Variants in HEATR6 observed in about 807,000 individuals in gnomAD.
HEATR6 encodes HEAT repeat-containing protein 6.
A neutral mutation model predicts 132.8 loss-of-function variants in HEATR6; 106 were observed. The ratio of observed to expected loss-of-function variants is 0.80; its 90% CI spans 0.68 to 0.94. The LOEUF is 0.94. Among genes scored for constraint, HEATR6 ranks in the 40% least tolerant of loss-of-function variants. HEATR6 has a pLI of 0.00. For missense variants in HEATR6, 1,339 were observed against 1,425.1 expected (o/e 0.94, Z 0.97); for synonymous variants, 529 against 537.8 (o/e 0.98, Z 0.23).
Position 60,067,616 on chromosome 17 carries a change from G to A in HEATR6, c.1056C>T (p.Asn352=), listed in dbSNP as rs764056341. ...AAPVTGTGRV[N]LHEGNTWCPS... is the part of the protein sequence containing the mutation. ...GACACCAAGTGTTCCCTTCATGCAG[G>A]TTCACTCTGCCTGTGCCAGTGACTG... is the stretch of plus-strand genomic sequence containing the variant. The change falls in exon 8 of 20, where the codon AAC becomes AAT. Residue 352 remains asparagine, a synonymous_variant. Coordinates refer to ENST00000184956, the MANE Select transcript of HEATR6 (RefSeq NM_022070.5). 32 of 1,612,442 alleles carry A rather than the reference G, an allele frequency of 2.0e-5. No individual in the cohort carries two copies. The highest frequency in any genetic ancestry group is 5.3e-5 in the African/African-American group (4 of 74,810).
chr17:60,060,061 G>A lies in HEATR6; in HGVS notation c.1452C>T (p.Ile484=), dbSNP rs1209322317. Reference sequence around the variant, plus strand: ...AAAGAAACTGCTTTGAGCCTTCCAAGATGGCAGATAAAACTTGCAGAGCAC... The same window carrying A: ...AAAGAAACTGCTTTGAGCCTTCCAAAATGGCAGATAAAACTTGCAGAGCAC... The part of the protein sequence containing the change: ...RACALQVLSA[I]LEGSKQFLSV... The change falls in exon 10 of 20, where the codon ATC becomes ATT. Residue 484 remains isoleucine (I), a synonymous_variant. Coordinates refer to ENST00000184956, the MANE Select transcript of HEATR6 (RefSeq NM_022070.5). 1 of 1,614,036 alleles carries A rather than the reference G, an allele frequency of 6.2e-7. No homozygotes were observed. Among genetic ancestry groups the A allele is most frequent in the South Asian group, 1.1e-5 (1 of 91,080 alleles).
chr17:60,076,296 A>G, intron 1 of HEATR6, 59 bp from the exon 2 acceptor site: 1 of 849,546 alleles, frequency 1.2e-6, no homozygotes, highest in Non-Finnish European at 1.9e-6. Context: ...AGATCCTCAA[A>G]ACACAGCCAA....
chr17:60,045,825 T>C (rs1272264227), intron 19 of HEATR6, among the ~76,000 whole-genome samples, 200 bp downstream of exon 19: 1 of 152,240 alleles, frequency 6.6e-6, no homozygotes, highest in Non-Finnish European at 1.5e-5. Context: ...TAATTTTAAA[T>C]GGCAACAAAA....
intron 14 of HEATR6, among the ~76,000 whole-genome samples, chr17:60,053,062 C>T (rs547867430): frequency 4.7e-4 from 71 of 152,234 alleles, no homozygotes; most frequent in African/African-American, 1.4e-3. Context: ...CATGTGACCT[C>T]CAATGTTGGA....
chr17:60,044,399 C>T (rs1906293453), intron 19 of HEATR6, among the ~76,000 whole-genome samples: 1 of 152,166 alleles, frequency 6.6e-6, no homozygotes, highest in African/African-American at 2.4e-5. Flanking sequence ...AATATAAAGC[C>T]TTTGGTGACT....
chr17:60,066,006 G>T (rs1281714407), intron 9 of HEATR6, among the ~76,000 whole-genome samples: 1 of 152,232 alleles, frequency 6.6e-6, no homozygotes, highest in African/African-American at 2.4e-5. Flanking sequence ...CCTGGGGCAG[G>T]AAGCGATCCT....
At chr17:60,065,121 C>G (rs1327960067) in intron 9 of HEATR6, among the ~76,000 whole-genome samples, 10 of 152,140 alleles carry the variant, frequency 6.6e-5, no homozygotes, top group Admixed American at 6.6e-4. Flanking sequence ...TTCCATTTTT[C>G]TCCTAGGTTC....
At chr17:60,059,545 A>C in intron 10 of HEATR6, 24 bp from the exon 11 acceptor site, 1,363 of 1,500,516 alleles carry the variant, frequency 9.1e-4, no homozygotes, top group Non-Finnish European at 1.2e-3. Flanking sequence ...AAAGTAGCTC[A>C]TCAAAAGGCT....
chr17:60,065,239 A>C (rs2083234491), intron 9 of HEATR6, among the ~76,000 whole-genome samples: 1 of 152,208 alleles, frequency 6.6e-6, no homozygotes, highest in South Asian at 2.1e-4. Context: ...TGTATATAAA[A>C]TTGAGGCTAA....
chr17:60,047,494 A>G, intron 17 of HEATR6, 89 bp from the exon 18 acceptor site: 1 of 608,926 alleles, frequency 1.6e-6, no homozygotes, highest in African/African-American at 1.9e-5. Context: ...GTATAAGCCT[A>G]AAAGTTTAGG....
rs200447086 is a variant in HEATR6 at position 60,047,344 on chromosome 17, G to A, written c.2734C>T (p.Arg912Ter). 11 of 1,613,030 alleles carry A rather than the reference G, an allele frequency of 6.8e-6. No individual in the cohort carries two copies. The highest frequency in any genetic ancestry group is 2.2e-5 in the East Asian group (1 of 44,816). ...FSGLLLLKMLRSAIEASKDKD... is the reference protein window; with the variant it reads ...FSGLLLLKML ...TCCTTGGATGCTTCTATAGCTGATC[G>A]TAACATTTTCAAGAGCAGGAGACCA... The change falls in exon 18 of 20, where the codon CGA becomes TGA. Residue 912 changes from arginine (R) to a stop codon, truncating the protein, a stop_gained. Coordinates refer to ENST00000184956, the MANE Select transcript of HEATR6 (RefSeq NM_022070.5). LOFTEE classifies it high-confidence loss of function.
intron 19 of HEATR6, 112 bp from the exon 20 acceptor site, chr17:60,044,246 G>A (rs983078218): frequency 1.4e-5 from 10 of 731,744 alleles, no homozygotes; most frequent in Middle Eastern, 3.4e-4. Flanking sequence ...CTCATTTTAT[G>A]TGTTCACTTC....
chr17:60,078,539 G>C (rs765668877), intron 1 of HEATR6, among the ~76,000 whole-genome samples, 157 bp downstream of exon 1: 1 of 152,178 alleles, frequency 6.6e-6, no homozygotes, highest in Admixed American at 6.5e-5. Flanking sequence ...TCCAAATGGA[G>C]AACTAAGAAT....
chr17:60,046,155 T>C lies in HEATR6; in HGVS notation c.2844A>G (p.Thr948=), dbSNP rs1368004619. The C allele has an allele frequency of 2.5e-6, 4 of 1,613,902 alleles. No homozygotes were observed. The highest frequency in any genetic ancestry group is 3.4e-6 in the Non-Finnish European group (4 of 1,179,924). ...TAGACTCCTCAATGATTTCTGCAAA[T>C]GTGGGTTTTTCTATATGAGAGGGTT... ...FLQPSHIEKP[T]FAEIIEESIQ... Residue 948 remains threonine (T), a synonymous_variant, in exon 19 of 20, where the codon ACA becomes ACG. Transcript: ENST00000184956.
Position 60,057,189 on chromosome 17 carries a change from C to T in HEATR6, c.1938G>A (p.Gly646=), listed in dbSNP as rs1461865958. The part of the protein sequence containing the change: ...LEETSVSSPK[G]SSEPCWLIRL... The stretch of plus-strand genomic sequence containing the variant: ...GAATGAGCCAGCAGGGCTCTGAAGA[C>T]CCCTTAGGTGAGCTAACTGACGTTT... Residue 646 remains glycine (G), a synonymous_variant, in exon 12 of 20, where the codon GGG becomes GGA. Transcript: ENST00000184956. The T allele has an allele frequency of 6.2e-7, 1 of 1,614,114 alleles. No individual in the cohort carries two copies. Among genetic ancestry groups the T allele is most frequent in the Admixed American group, 1.7e-5 (1 of 60,018 alleles).
At chr17:60,049,508 T>C in intron 16 of HEATR6, 72 bp downstream of exon 16, 2 of 1,564,076 alleles carry the variant, frequency 1.3e-6, no homozygotes, top group Non-Finnish European at 8.8e-7. Flanking sequence ...ATGCAGGAGC[T>C]CTATATCCAC....
intron 8 of HEATR6, 46 bp downstream of exon 8, chr17:60,067,388 T>C: frequency 1.5e-6 from 2 of 1,373,052 alleles, no homozygotes; most frequent in South Asian, 1.5e-5. Flanking sequence ...TAAACTTACA[T>C]GCAACTTAGA....
At position 60,047,296 on chromosome 17, in the gene HEATR6, G is replaced by A; in HGVS notation, c.2769+13C>T. The A allele has an allele frequency of 6.4e-7, 1 of 1,558,214 alleles. No individual in the cohort carries two copies. The highest frequency in any genetic ancestry group is 8.8e-7 in the Non-Finnish European group (1 of 1,132,892). On this transcript the variant is annotated intron_variant, in intron 18 of 19. Transcript: ENST00000184956. The stretch of plus-strand genomic sequence containing the variant: ...ATCTGTTTGGGAGATACTGGGTTTT[G>A]TTGTGAGTCTACCTTGTCTTTATCC...
Position 60,064,948 on chromosome 17 carries a change from A to G in HEATR6, c.1416+1261T>C, listed in dbSNP as rs560148387. Among the ~76,000 whole-genome samples the G allele has an allele frequency of 1.1e-4, 17 of 152,278 alleles. No individual in the cohort carries two copies. The South Asian group carries it at 3.5e-3, about 32-fold the overall frequency. On this transcript the variant is annotated intron_variant, in intron 9 of 19. Coordinates refer to ENST00000184956, the MANE Select transcript of HEATR6 (RefSeq NM_022070.5). ...TGGCTGGGCAGCTGTGATAAAGGTG[A>G]TAAAGCTGGGCTGCTTCTTGCTCCA... is the stretch of plus-strand genomic sequence containing the variant.
Sources: gnomAD v4.1 joint callset for allele counts (sites outside exome capture counted in the v4.1 genomes callset) on GRCh38, gnomAD v4.1.1 for gene constraint, MANE v1.5 for transcripts, NCBI Gene and HGNC (gene_info 2026-07-23, HGNC 2026-07-21) for gene names.